TDRD5: variants seen among roughly 807,000 people sequenced by gnomAD.
TDRD5 encodes tudor domain containing 5, also known as tudor domain-containing protein 5.
In TDRD5, 41 loss-of-function variants were observed where a neutral mutation model predicts 120.6. The observed-to-expected ratio is 0.34, with a 90% CI of 0.26 to 0.44. The LOEUF is 0.44. Among genes scored for constraint, TDRD5 ranks in the 20% least tolerant of loss-of-function variants. TDRD5 has a pLI of 1.00. For missense variants in TDRD5, 1,006 were observed against 1,221.2 expected (o/e 0.82, Z 2.63); for synonymous variants, 430 against 433.7 (o/e 0.99, Z 0.11).
intron 6 of TDRD5, among the ~76,000 whole-genome samples, chr1:179,621,705 A>G (rs560763203): frequency 6.6e-6 from 1 of 152,312 alleles, no homozygotes; most frequent in East Asian, 1.9e-4. Flanking sequence ...AGTGAAAAAA[A>G]TCAAGTTTCA....
chr1:179,625,396 G>T (rs1379476170), intron 6 of TDRD5, among the ~76,000 whole-genome samples: 1 of 152,070 alleles, frequency 6.6e-6, no homozygotes, highest in Non-Finnish European at 1.5e-5. Flanking sequence ...AGACTGGGAA[G>T]AAATATTTAC....
At chr1:179,641,209 G>T (rs965056524) in intron 11 of TDRD5, among the ~76,000 whole-genome samples, 3 of 151,732 alleles carry the variant, frequency 2.0e-5, no homozygotes, top group African/African-American at 7.3e-5. Context: ...CATATAAATG[G>T]ATTATTTTAA....
At chr1:179,636,004 G>T in intron 9 of TDRD5, 117 bp downstream of exon 9, 2 of 681,352 alleles carry the variant, frequency 2.9e-6, no homozygotes, top group Non-Finnish European at 4.4e-6. Flanking sequence ...TTTTTTATCA[G>T]TATTTATTGT....
At chr1:179,690,003 C>G (rs995902174) in intron 17 of TDRD5, among the ~76,000 whole-genome samples, 4 of 152,148 alleles carry the variant, frequency 2.6e-5, no homozygotes, top group Admixed American at 1.3e-4. Flanking sequence ...TGCGCTTCCC[C>G]GGTGAGGCGA....
At chr1:179,646,757 C>G (rs528493853) in intron 11 of TDRD5, among the ~76,000 whole-genome samples, 1 of 152,230 alleles carries the variant, frequency 6.6e-6, no homozygotes, top group East Asian at 1.9e-4. Flanking sequence ...TCAGCAAAGT[C>G]TCAGGATACA....
At chr1:179,596,789 T>G (rs1205770883) in intron 4 of TDRD5, among the ~76,000 whole-genome samples, 1 of 152,220 alleles carries the variant, frequency 6.6e-6, no homozygotes, top group South Asian at 2.1e-4. Context: ...GCATACATCT[T>G]GTATGGCCAT....
At chr1:179,596,013 T>G (rs1675371632) in intron 4 of TDRD5, among the ~76,000 whole-genome samples, 195 bp downstream of exon 4, 1 of 152,208 alleles carries the variant, frequency 6.6e-6, no homozygotes, top group Non-Finnish European at 1.5e-5. Flanking sequence ...TACAATTTTA[T>G]CAACTCCACA....
rs545196696 is a variant in TDRD5, at chr1:179,689,501, G to A, written c.2861-1195G>A. Among the ~76,000 whole-genome samples the A allele has an allele frequency of 1.7e-4, 26 of 152,320 alleles. No individual in the cohort carries two copies. The South Asian group carries it at 5.4e-3, about 32-fold the overall frequency. On this transcript the variant is annotated intron_variant, in intron 17 of 17. Coordinates refer to ENST00000444136, the MANE Select transcript of TDRD5 (RefSeq NM_001199085.3). Reference sequence around the variant, plus strand: ...TCCCAGTTAGGCTATTCAGGGGTCAGGGACCCACTTCAGGAGGCAGTCTGT... The same window carrying A: ...TCCCAGTTAGGCTATTCAGGGGTCAAGGACCCACTTCAGGAGGCAGTCTGT...
chr1:179,603,696 T>A (rs937340235), intron 4 of TDRD5, among the ~76,000 whole-genome samples: 1 of 152,224 alleles, frequency 6.6e-6, no homozygotes, highest in Non-Finnish European at 1.5e-5. Context: ...TTGCATATGT[T>A]AAACCATCCC....
chr1:179,592,296 A>G, intron 1 of TDRD5, 171 bp downstream of exon 1: 1 of 298,046 alleles, frequency 3.4e-6, no homozygotes, highest in Non-Finnish European at 6.4e-6. Context: ...CTGGTTCCCG[A>G]GGAGCCCCTG....
intron 16 of TDRD5, among the ~76,000 whole-genome samples, chr1:179,668,271 C>A (rs572539772): frequency 1.3e-5 from 2 of 152,194 alleles, no homozygotes; most frequent in African/African-American, 4.8e-5. Flanking sequence ...GCATGCAGCT[C>A]TTGCCTCCTT....
At chr1:179,599,918 A>G (rs1264873984) in intron 4 of TDRD5, among the ~76,000 whole-genome samples, 2 of 152,190 alleles carry the variant, frequency 1.3e-5, no homozygotes, top group South Asian at 2.1e-4. Context: ...ATATAGCACA[A>G]TTATGTACAA....
intron 17 of TDRD5, among the ~76,000 whole-genome samples, chr1:179,670,694 C>T (rs993029074): frequency 6.6e-6 from 1 of 151,786 alleles, no homozygotes; most frequent in Non-Finnish European, 1.5e-5. Flanking sequence ...GCTTATTTGC[C>T]ATTCATATAT....
chr1:179,598,523 G>C (rs770887440), intron 4 of TDRD5, among the ~76,000 whole-genome samples: 11 of 152,048 alleles, frequency 7.2e-5, no homozygotes, highest in Non-Finnish European at 1.6e-4. Context: ...CATTTATTTA[G>C]GTCTTTACAT....
At chr1:179,592,490 C>T (rs964195039) in intron 1 of TDRD5, 112 bp from the exon 2 acceptor site, 6 of 822,522 alleles carry the variant, frequency 7.3e-6, no homozygotes, top group African/African-American at 5.1e-5. Flanking sequence ...CTACTTCTGC[C>T]TTATTACCCT....
intron 17 of TDRD5, among the ~76,000 whole-genome samples, chr1:179,688,695 A>G (rs1307833322): frequency 2.0e-5 from 3 of 152,118 alleles, no homozygotes; most frequent in Non-Finnish European, 4.4e-5. Flanking sequence ...TCAGACGTAG[A>G]TTTGGTCTTT....
intron 17 of TDRD5, among the ~76,000 whole-genome samples, chr1:179,678,545 C>T (rs78383938): frequency 0.02 from 2,975 of 152,256 alleles, 75 homozygotes; most frequent in African/African-American, 0.066. Context: ...GCCTCCTATC[C>T]GCCATCTTAA....
chr1:179,595,629 T>C lies in TDRD5; in HGVS notation c.642T>C (p.Gly214=). The change falls in exon 4 of 18, where the codon GGT becomes GGC. Residue 214 remains glycine, a splice_region_variant and synonymous_variant. Transcript: ENST00000444136. ...TEEKPRGCPA[G]KIFTQPFRMK... is the part of the protein sequence containing the mutation. ...TTCTTCTTCTATTACTCACAAAAGG[T>C]AAAATTTTTACCCAGCCATTTAGAA... 3 of 1,550,082 alleles carry C rather than the reference T, an allele frequency of 1.9e-6. No individual in the cohort carries two copies. Among genetic ancestry groups the C allele is most frequent in the Non-Finnish European group, 2.6e-6 (3 of 1,152,256 alleles).
At chr1:179,619,557 C>T (rs376519449) in intron 5 of TDRD5, among the ~76,000 whole-genome samples, 2 of 151,954 alleles carry the variant, frequency 1.3e-5, no homozygotes, top group African/African-American at 4.8e-5. Flanking sequence ...TGCATTCAGG[C>T]CCTGTTTTTT....
Sources: allele counts gnomAD v4.1 joint callset (sites outside exome capture counted in the v4.1 genomes callset), GRCh38; gene constraint gnomAD v4.1.1; transcripts MANE v1.5; gene names NCBI Gene and HGNC (gene_info 2026-07-23, HGNC 2026-07-21).